The following ZC3H15 variants were observed in gnomAD, a reference collection of about 807,000 sequenced individuals.
ZC3H15 encodes the protein zinc finger CCCH-type containing 15.
A neutral mutation model predicts 51.2 loss-of-function variants in ZC3H15; 15 were observed. That is an observed-to-expected ratio of 0.29 (90% CI 0.20 to 0.45). The LOEUF (loss-of-function observed/expected upper bound fraction) is 0.45, where lower values mean the gene tolerates loss of function less well. ZC3H15 is among the 20% of genes least tolerant of loss of function. The pLI is 1.00. For missense variants in ZC3H15, 381 were observed against 494.7 expected (o/e 0.77, Z 2.18); for synonymous variants, 144 against 162.8 (o/e 0.88, Z 0.88).
At chr2:186,505,315 C>T in intron 6 of ZC3H15, 136 bp from the exon 7 acceptor site, 1 of 1,052,068 alleles carries the variant, frequency 9.5e-7, no homozygotes, top group Non-Finnish European at 1.3e-6. Flanking sequence ...TAAAAAAATA[C>T]ATAAATTAGC....
intron 2 of ZC3H15, 131 bp downstream of exon 2, chr2:186,495,465 T>C: frequency 1.7e-6 from 1 of 598,858 alleles, no homozygotes; most frequent in Non-Finnish European, 2.7e-6. Context: ...TTTTTGCACC[T>C]TGGCCTTCCT....
At chr2:186,506,027 A>T in intron 8 of ZC3H15, 186 bp downstream of exon 8, 1 of 697,616 alleles carries the variant, frequency 1.4e-6, no homozygotes, top group Non-Finnish European at 2.6e-6. Context: ...TTATCTCTAC[A>T]TCATAGTTTG....
intron 1 of ZC3H15, among the ~76,000 whole-genome samples, chr2:186,494,435 C>T (rs929158009): frequency 1.2e-4 from 19 of 152,120 alleles, no homozygotes; most frequent in Non-Finnish European, 2.1e-4. Flanking sequence ...TGTTCAGTAT[C>T]GTATAACCTC....
At chr2:186,505,917 A>G in intron 8 of ZC3H15, 76 bp downstream of exon 8, 1 of 1,462,892 alleles carries the variant, frequency 6.8e-7, no homozygotes, top group Non-Finnish European at 9.4e-7. Flanking sequence ...CATGGTTAAG[A>G]GCCACCAACA....
intron 9 of ZC3H15, chr2:186,507,416 A>T (rs1230373476): frequency 2.2e-6 from 1 of 456,586 alleles, no homozygotes; most frequent in Non-Finnish European, 4.4e-6. Context: ...GGTCATGGGA[A>T]GGGCTTTTTA....
intron 1 of ZC3H15, among the ~76,000 whole-genome samples, chr2:186,490,900 T>C (rs954375129): frequency 6.6e-6 from 1 of 152,208 alleles, no homozygotes; most frequent in Non-Finnish European, 1.5e-5. Context: ...TCCTTTACTA[T>C]CATGTTAACT....
intron 2 of ZC3H15, among the ~76,000 whole-genome samples, chr2:186,495,754 T>G (rs1031377928): frequency 3.3e-5 from 5 of 152,246 alleles, no homozygotes; most frequent in Admixed American, 3.3e-4. Context: ...ATTATAAATT[T>G]GCCAGATCAC....
At position 186,501,420 on chromosome 2, in the gene ZC3H15, A is replaced by G. The variant is rs1685382371; in HGVS notation, c.437A>G (p.Glu146Gly). 6.2e-7 allele frequency: 1 copy of G among 1,605,650 alleles called. No homozygotes were observed. The highest frequency in any genetic ancestry group is 1.3e-5 in the African/African-American group (1 of 74,594). The change falls in exon 4 of 10, where the codon GAA becomes GGA. Residue 146 changes from glutamate (E) to glycine (G), a missense_variant. Coordinates refer to ENST00000337859, the MANE Select transcript of ZC3H15 (RefSeq NM_018471.3). Reference protein sequence around the residue: ...VYIDARDEELEKDTMDNWDEK... With the variant: ...VYIDARDEELGKDTMDNWDEK... ...ATTGATGCAAGAGATGAAGAACTTG[A>G]AAAAGGTAATTTTTTTAAAAACACT... is the stretch of plus-strand genomic sequence containing the variant.
intron 1 of ZC3H15, among the ~76,000 whole-genome samples, chr2:186,491,388 GTAT>G (rs1685197196): frequency 6.6e-6 from 1 of 152,172 alleles, no homozygotes; most frequent in Non-Finnish European, 1.5e-5. Flanking sequence ...AGTGGGATAT[GTAT>G]TATTACCCTT....
At position 186,508,694 on chromosome 2, in the gene ZC3H15, A is replaced by G. The variant is rs775856387; in HGVS notation, c.1242A>G (p.Glu414=). 6 of 1,613,956 alleles carry G rather than the reference A, an allele frequency of 3.7e-6. No individual in the cohort carries two copies. The highest frequency in any genetic ancestry group is 5.1e-6 in the Non-Finnish European group (6 of 1,179,978). ...ENLFTGEDLD[E]LEEELNTLDL... ...TTTTCACTGGAGAGGATTTGGATGA[A>G]CTAGAAGAAGAATTAAATACACTTG... Residue 414 remains glutamate (E), a synonymous_variant, in exon 10 of 10, where the codon GAA becomes GAG. Transcript: ENST00000337859.
At chr2:186,507,757 C>T (rs1685490502) in intron 9 of ZC3H15, among the ~76,000 whole-genome samples, 1 of 152,152 alleles carries the variant, frequency 6.6e-6, no homozygotes, top group African/African-American at 2.4e-5. Flanking sequence ...ACTTGAAAAA[C>T]CAGCTTGCCC....
At chr2:186,506,032 A>G in intron 8 of ZC3H15, 191 bp downstream of exon 8, 1 of 691,642 alleles carries the variant, frequency 1.4e-6, no homozygotes, top group Non-Finnish European at 2.6e-6. Flanking sequence ...TCTACATCAT[A>G]GTTTGTGAGA....
rs559738130 is a variant in ZC3H15, at chr2:186,490,065, CCCATTTTTTAATATTGCCT to C, written c.75+3637_75+3655del. Reference sequence around the variant, plus strand: ...CAGTCTATACAGTGCTTAGTTCCTGCCCATTTTTTAATATTGCCTCCATTTTTTAATATTGCCTCCATTT... The same window carrying C: ...CAGTCTATACAGTGCTTAGTTCCTGCCCATTTTTTAATATTGCCTCCATTT... On this transcript the variant is annotated intron_variant, in intron 1 of 9. Coordinates refer to ENST00000337859, the MANE Select transcript of ZC3H15 (RefSeq NM_018471.3). 4.1e-4 allele frequency among the ~76,000 whole-genome samples: 62 copies of C among 152,220 alleles called. No individual in the cohort carries two copies. In the South Asian group the frequency reaches 4.8e-3, roughly 12 times the overall value.
chr2:186,494,076 T>C (rs1036947001), intron 1 of ZC3H15, among the ~76,000 whole-genome samples: 3 of 151,606 alleles, frequency 2.0e-5, no homozygotes, highest in Admixed American at 6.6e-5. Flanking sequence ...TTATTTTTTT[T>C]AATGTTTTTC....
intron 9 of ZC3H15, among the ~76,000 whole-genome samples, chr2:186,507,059 C>T (rs11692347): frequency 0.27 from 41,130 of 151,946 alleles, 5,829 homozygotes; most frequent in Non-Finnish European, 0.3. Context: ...CAAAAATGAG[C>T]TTGGAGTTAA....
intron 6 of ZC3H15, 60 bp downstream of exon 6, chr2:186,504,274 ATACT>A (rs1459782134): frequency 1.1e-4 from 155 of 1,362,562 alleles, no homozygotes; most frequent in Non-Finnish European, 1.3e-4. Context: ...TGAAATTCTA[ATACT>A]TACCACTTGG....
At position 186,487,779 on chromosome 2, in the gene ZC3H15, G is replaced by A. The variant is rs144360345; in HGVS notation, c.75+1322G>A. On this transcript the variant is annotated intron_variant, in intron 1 of 9. Transcript: ENST00000337859. ...TTTCCTCGAGATTGGACCCTGATAC[G>A]AAGTAAAACTCCCATTGAAATTAAA... Among the ~76,000 whole-genome samples, 1,447 of 152,242 alleles carry A rather than the reference G, an allele frequency of 9.5e-3. 24 individuals are homozygous for A. Among genetic ancestry groups the A allele is most frequent in the African/African-American group, 0.033 (1,359 of 41,504 alleles).
intron 1 of ZC3H15, among the ~76,000 whole-genome samples, chr2:186,490,203 G>C (rs1443204602): frequency 2.0e-5 from 3 of 152,058 alleles, no homozygotes; most frequent in Admixed American, 2.0e-4. Flanking sequence ...TTATGGTTCT[G>C]TTAGAAATTA....
chr2:186,507,485 G>A (rs567229366), intron 9 of ZC3H15: 1 of 456,520 alleles, frequency 2.2e-6, no homozygotes, highest in South Asian at 1.5e-5. Context: ...GTAAGGAGGA[G>A]AAGTTGATGA....
Sources: gnomAD v4.1 joint callset for allele counts (sites outside exome capture counted in the v4.1 genomes callset) on GRCh38, gnomAD v4.1.1 for gene constraint, MANE v1.5 for transcripts, NCBI Gene and HGNC (gene_info 2026-07-23, HGNC 2026-07-21) for gene names.